Variants in SLC10A7 observed in about 807,000 individuals in gnomAD.
SLC10A7 encodes the protein solute carrier family 10 member 7.
A neutral mutation model predicts 43.2 loss-of-function variants in SLC10A7; 29 were observed. The ratio of observed to expected loss-of-function variants is 0.67; its 90% CI spans 0.50 to 0.92. The LOEUF (loss-of-function observed/expected upper bound fraction) is 0.92. Among genes scored for constraint, SLC10A7 ranks in the 40% least tolerant of loss-of-function variants. SLC10A7 has a pLI of 0.00. For missense variants in SLC10A7, 295 were observed against 403.2 expected, an observed-to-expected ratio of 0.73 and a Z score of 2.30; for synonymous variants, 152 against 144.8, an observed-to-expected ratio of 1.05 and a Z score of -0.35.
chr4:146,393,627 G>A lies in SLC10A7; in HGVS notation c.435+49156C>T, dbSNP rs137931666. On this transcript the variant is annotated intron_variant, in intron 5 of 11. Transcript: ENST00000335472. ...TTCTTCTTGAATGAATGAGTGCATG[G>A]CATACTGAGTAATTTCTATAAAACA... is the stretch of plus-strand genomic sequence containing the variant. Among the ~76,000 whole-genome samples the A allele has an allele frequency of 4.2e-3, 634 of 152,260 alleles. 3 individuals are homozygous for A. Among genetic ancestry groups the A allele is most frequent in the African/African-American group, 0.014 (581 of 41,538 alleles).
intron 6 of SLC10A7, among the ~76,000 whole-genome samples, chr4:146,325,561 C>T (rs1228501752): frequency 2.0e-5 from 3 of 152,146 alleles, no homozygotes; most frequent in Non-Finnish European, 4.4e-5. Flanking sequence ...TCATCAGTAT[C>T]AGCCTTGGAA....
chr4:146,340,043 C>T lies in SLC10A7; in HGVS notation c.436-14047G>A, dbSNP rs553913669. Among the ~76,000 whole-genome samples the T allele has an allele frequency of 7.9e-5, 12 of 151,812 alleles. No individual in the cohort carries two copies. In the South Asian group the frequency reaches 2.5e-3, roughly 32 times the overall value. On this transcript the variant is annotated intron_variant, in intron 5 of 11. Transcript: ENST00000335472. ...TATTTTTATTAAATATCAGTAGTTG[C>T]TTCTTTCCCTATCTACCTCTCACCA...
intron 7 of SLC10A7, among the ~76,000 whole-genome samples, chr4:146,296,921 A>G (rs562333046): frequency 6.6e-6 from 1 of 152,270 alleles, no homozygotes; most frequent in South Asian, 2.1e-4. Flanking sequence ...TGTATTTGTC[A>G]AGAATTCATG....
At chr4:146,513,617 C>A (rs748966254) in intron 2 of SLC10A7, among the ~76,000 whole-genome samples, 1 of 152,106 alleles carries the variant, frequency 6.6e-6, no homozygotes, top group Non-Finnish European at 1.5e-5. Context: ...AGTAAAGAAC[C>A]CAGCAAAACA....
At chr4:146,273,898 C>T (rs140707904) in intron 10 of SLC10A7, among the ~76,000 whole-genome samples, 1 of 152,122 alleles carries the variant, frequency 6.6e-6, no homozygotes, top group East Asian at 1.9e-4. Context: ...GGTCTACTGC[C>T]CCTTTCAGAA....
intron 10 of SLC10A7, among the ~76,000 whole-genome samples, chr4:146,263,704 A>C (rs770523382): frequency 6.6e-6 from 1 of 152,244 alleles, no homozygotes; most frequent in East Asian, 1.9e-4. Flanking sequence ...GGAAGTGAAC[A>C]CTATGCACGC....
intron 7 of SLC10A7, among the ~76,000 whole-genome samples, chr4:146,304,963 G>C (rs2149680256): frequency 6.6e-6 from 1 of 152,224 alleles, no homozygotes; most frequent in Admixed American, 6.5e-5. Flanking sequence ...ATTTAGGATA[G>C]TTAGCTCTTG....
In SLC10A7 at chr4:146,375,417, C is replaced by T. The variant is rs569882238; in HGVS notation, c.436-49421G>A. ...GGAATGTTCTCCAGAAATCCTCACG[C>T]TTAACTCCCTCATGGCCCTCAAGTT... On this transcript the variant is annotated intron_variant, in intron 5 of 11. Coordinates refer to ENST00000335472, the MANE Select transcript of SLC10A7 (RefSeq NM_001029998.6). Among the ~76,000 whole-genome samples the T allele has an allele frequency of 4.6e-5, 7 of 152,250 alleles. 1 individual carries two copies. The East Asian group carries it at 1.3e-3, about 29-fold the overall frequency.
At chr4:146,271,800 G>A (rs191035234) in intron 10 of SLC10A7, among the ~76,000 whole-genome samples, 444 of 152,178 alleles carry the variant, frequency 2.9e-3, no homozygotes, top group Non-Finnish European at 4.7e-3. Flanking sequence ...CATGCCAAGC[G>A]CACTGCTGCC....
In SLC10A7 at chr4:146,420,401, A is replaced by G. The variant is rs535104202; in HGVS notation, c.435+22382T>C. On this transcript the variant is annotated intron_variant, in intron 5 of 11. Transcript: ENST00000335472. ...ATATAATATTCCAGAAGCTTTCATGAAAAACTTGGTCAGTATAAGTATCTA... is the reference window on the plus strand; with the variant it reads ...ATATAATATTCCAGAAGCTTTCATGGAAAACTTGGTCAGTATAAGTATCTA... Among the ~76,000 whole-genome samples, 417 of 152,294 alleles carry G rather than the reference A, an allele frequency of 2.7e-3. 1 individual carries two copies. The highest frequency in any genetic ancestry group is 9.3e-3 in the African/African-American group (388 of 41,570).
intron 6 of SLC10A7, among the ~76,000 whole-genome samples, chr4:146,306,338 G>T (rs1362741770): frequency 6.6e-6 from 1 of 152,062 alleles, no homozygotes; most frequent in Non-Finnish European, 1.5e-5. Context: ...TACAGGTTAT[G>T]TGATTTTTAT....
chr4:146,380,970 C>T (rs1194068012), intron 5 of SLC10A7, among the ~76,000 whole-genome samples: 1 of 152,034 alleles, frequency 6.6e-6, no homozygotes, highest in East Asian at 1.9e-4. Flanking sequence ...TGAAGAAATG[C>T]CGGCCATCAT....
At chr4:146,492,189 C>A (rs1273003031) in intron 4 of SLC10A7, among the ~76,000 whole-genome samples, 1 of 151,110 alleles carries the variant, frequency 6.6e-6, no homozygotes, top group Non-Finnish European at 1.5e-5. Context: ...CACTGCACTC[C>A]AGCCTGGGCG....
chr4:146,358,852 G>A (rs1578985906), intron 5 of SLC10A7, among the ~76,000 whole-genome samples: 1 of 151,984 alleles, frequency 6.6e-6, no homozygotes, highest in Non-Finnish European at 1.5e-5. Flanking sequence ...GATGTCTTTT[G>A]ATGAACATTT....
intron 4 of SLC10A7, among the ~76,000 whole-genome samples, chr4:146,456,810 C>G (rs1732106870): frequency 6.6e-6 from 1 of 151,842 alleles, no homozygotes; most frequent in Non-Finnish European, 1.5e-5. Flanking sequence ...CTGAAAGTTC[C>G]AACCTTCTAA....
In SLC10A7 at chr4:146,468,473, A is replaced by T. The variant is rs967247251; in HGVS notation, c.397-25652T>A. Among the ~76,000 whole-genome samples the T allele has an allele frequency of 6.3e-5, 9 of 143,578 alleles. No individual in the cohort carries two copies. In the East Asian group the frequency reaches 6.3e-4, roughly 10 times the overall value. The allele number at this position is 143,578 out of a possible 152,430, so 94.2% of individuals were successfully genotyped here. ...TTTATTTATTCTAACTTATATTTTA[A>T]TTTTTTTTTTTTTTGAGATGGAGTC... On this transcript the variant is annotated intron_variant, in intron 4 of 11. Transcript: ENST00000335472.
chr4:146,421,280 T>C (rs898254077), intron 5 of SLC10A7, among the ~76,000 whole-genome samples: 4 of 152,202 alleles, frequency 2.6e-5, no homozygotes, highest in Non-Finnish European at 5.9e-5. Flanking sequence ...ATTAACTGTC[T>C]AAATAATTGA....
chr4:146,382,852 T>C (rs1035516196), intron 5 of SLC10A7, among the ~76,000 whole-genome samples: 1 of 152,062 alleles, frequency 6.6e-6, no homozygotes, highest in African/African-American at 2.4e-5. Flanking sequence ...AACTCAATCT[T>C]GACCCATGAA....
At chr4:146,300,861 A>G (rs1731113653) in intron 7 of SLC10A7, among the ~76,000 whole-genome samples, 1 of 152,198 alleles carries the variant, frequency 6.6e-6, no homozygotes, top group East Asian at 1.9e-4. Context: ...ATACAGACCT[A>G]AAAATATTAT....
Sources: gnomAD v4.1 joint callset for allele counts (sites outside exome capture counted in the v4.1 genomes callset) on GRCh38, gnomAD v4.1.1 for gene constraint, MANE v1.5 for transcripts, NCBI Gene and HGNC (gene_info 2026-07-23, HGNC 2026-07-21) for gene names.